Variants in FER observed in about 807,000 individuals in gnomAD.
The protein encoded by FER is tyrosine-protein kinase Fer.
A neutral mutation model predicts 111.0 loss-of-function variants in FER; 63 were observed. The ratio of observed to expected loss-of-function variants is 0.57; its 90% CI spans 0.46 to 0.70. The LOEUF is 0.70. Ranked by LOEUF, FER falls within the 30% of genes least tolerant of loss-of-function variation. The pLI is 0.00. For missense variants in FER, 914 were observed against 954.0 expected, an observed-to-expected ratio of 0.96 and a Z score of 0.55; for synonymous variants, 327 against 313.9, an observed-to-expected ratio of 1.04 and a Z score of -0.44.
rs1759021233 is a variant in FER at position 109,187,552 on chromosome 5, A to G, written c.2446A>G (p.Ile816Val). 1.4e-5 allele frequency: 23 copies of G among 1,614,152 alleles called. No individual in the cohort carries two copies. The highest frequency in any genetic ancestry group is 2.7e-5 in the African/African-American group (2 of 75,036). Residue 816 changes from isoleucine (I) to valine (V), a missense_variant, in exon 20 of 20, where the codon ATC becomes GTC. This residue lies in a region of FER where 134 missense variants were observed against 149.4 expected (regional missense o/e 0.90). Coordinates refer to ENST00000281092, the MANE Select transcript of FER (RefSeq NM_005246.4). ...CAGTGAACTTCAGAAAGAGCTCACT[A>G]TCATCAAGAGAAAACTCACATAGTG... Reference protein sequence around the residue: ...KFSELQKELTIIKRKLT With the variant: ...KFSELQKELTVIKRKLT
chr5:108,832,917 C>A lies in FER; in HGVS notation c.355C>A (p.Gln119Lys), dbSNP rs1411419548. The stretch of plus-strand genomic sequence containing the variant: ...GAAGAAAAGTTACATAGGTGTTCAT[C>A]AGCAGATAGAGGCAGAGATGATCAA... The part of the protein sequence containing the change: ...QVKKSYIGVH[Q>K]QIEAEMIKVT... Residue 119 changes from glutamine to lysine, a missense_variant, in exon 4 of 20, where the codon CAG becomes AAG. This residue lies in a region of FER where 774 missense variants were observed against 782.6 expected (regional missense o/e 0.99). Coordinates refer to ENST00000281092, the MANE Select transcript of FER (RefSeq NM_005246.4). 6.3e-7 allele frequency: 1 copy of A among 1,596,688 alleles called. No individual in the cohort carries two copies. The highest frequency in any genetic ancestry group is 8.5e-7 in the Non-Finnish European group (1 of 1,172,218).
At chr5:108,916,439 G>A (rs1270417004) in intron 10 of FER, among the ~76,000 whole-genome samples, 1 of 151,004 alleles carries the variant, frequency 6.6e-6, no homozygotes, top group African/African-American at 2.4e-5. Flanking sequence ...TAATAATTTG[G>A]GTACCCCCCC....
chr5:109,023,073 C>T (rs1233789124), intron 13 of FER, among the ~76,000 whole-genome samples: 1 of 152,014 alleles, frequency 6.6e-6, no homozygotes, highest in Non-Finnish European at 1.5e-5. Flanking sequence ...AGCATGAAAT[C>T]AGGTTAAAAG....
chr5:109,028,949 T>A (rs1380224012), intron 13 of FER, among the ~76,000 whole-genome samples: 1 of 152,188 alleles, frequency 6.6e-6, no homozygotes, highest in Non-Finnish European at 1.5e-5. Context: ...ACCATGTGCA[T>A]AGAATGGATA....
Position 109,102,962 on chromosome 5 carries a change from G to A in FER, c.2048+2443G>A, listed in dbSNP as rs73213539. Among the ~76,000 whole-genome samples, 1,108 of 152,098 alleles carry A rather than the reference G, an allele frequency of 7.3e-3. 11 individuals are homozygous for A. The highest frequency in any genetic ancestry group is 0.025 in the African/African-American group (1,056 of 41,488). ...TAGTTGCAATAGAATTTTACTTGATGTAGAGTTAAGACATAGATTATGTGT... is the reference window on the plus strand; with the variant it reads ...TAGTTGCAATAGAATTTTACTTGATATAGAGTTAAGACATAGATTATGTGT... On this transcript the variant is annotated intron_variant, in intron 17 of 19. Coordinates refer to ENST00000281092, the MANE Select transcript of FER (RefSeq NM_005246.4).
intron 17 of FER, among the ~76,000 whole-genome samples, chr5:109,124,608 G>A (rs1751438705): frequency 6.6e-6 from 1 of 151,916 alleles, no homozygotes; most frequent in Non-Finnish European, 1.5e-5. Context: ...TGTTGTTGTT[G>A]TTGTTGTTGT....
chr5:109,116,443 GA>G (rs1357740498), intron 17 of FER, among the ~76,000 whole-genome samples: 3 of 145,698 alleles, frequency 2.1e-5, no homozygotes, highest in Admixed American at 6.8e-5. Context: ...AAAAAAAAAT[GA>G]AAAAAAATAA....
chr5:109,173,114 G>A (rs368971469), intron 17 of FER, among the ~76,000 whole-genome samples: 3 of 152,210 alleles, frequency 2.0e-5, no homozygotes, highest in East Asian at 1.9e-4. Context: ...ACTTGTAAAT[G>A]TCCAACCAGA....
Position 109,011,110 on chromosome 5 carries a change from GT to G in FER, c.1657-26306del, listed in dbSNP as rs573566151. ...TACATTTAAAAAACATTTTAAGCAT[GT>G]TTTTTAAATGTGTTAATGCTATAGG... On this transcript the variant is annotated intron_variant, in intron 13 of 19. Transcript: ENST00000281092. Among the ~76,000 whole-genome samples the G allele has an allele frequency of 2.7e-3, 405 of 151,924 alleles. 1 individual carries two copies. The highest frequency in any genetic ancestry group is 9.4e-3 in the African/African-American group (388 of 41,438).
chr5:108,993,366 G>C (rs1022099841), intron 13 of FER, among the ~76,000 whole-genome samples: 3 of 152,172 alleles, frequency 2.0e-5, no homozygotes, highest in Non-Finnish European at 4.4e-5. Flanking sequence ...GCGAAACCCC[G>C]TCTCCACCAA....
chr5:109,054,977 T>A (rs572976166), intron 16 of FER, among the ~76,000 whole-genome samples: 1 of 152,354 alleles, frequency 6.6e-6, no homozygotes, highest in South Asian at 2.1e-4. Context: ...AATGTCTTGA[T>A]GACAGTAGCT....
At chr5:109,060,249 A>G (rs1181706950) in intron 16 of FER, among the ~76,000 whole-genome samples, 1 of 152,206 alleles carries the variant, frequency 6.6e-6, no homozygotes, top group Admixed American at 6.5e-5. Context: ...GAATTGTACA[A>G]TAAGCTGGGT....
intron 13 of FER, among the ~76,000 whole-genome samples, chr5:108,971,758 A>C (rs967176560): frequency 6.6e-6 from 1 of 152,158 alleles, no homozygotes; most frequent in Non-Finnish European, 1.5e-5. Context: ...CTCCAGACTT[A>C]TCAAAATATT....
chr5:109,165,116 T>G (rs1158833137), intron 17 of FER, among the ~76,000 whole-genome samples: 1 of 152,170 alleles, frequency 6.6e-6, no homozygotes, highest in Non-Finnish European at 1.5e-5. Context: ...CTTTTGTTGT[T>G]CCCTGCCTTG....
At chr5:108,753,760 A>G (rs1750763443) in intron 1 of FER, among the ~76,000 whole-genome samples, 2 of 152,168 alleles carry the variant, frequency 1.3e-5, no homozygotes, top group African/African-American at 2.4e-5. Context: ...GTGTTCTGTA[A>G]ATACAGGGTT....
intron 16 of FER, among the ~76,000 whole-genome samples, chr5:109,097,397 G>A (rs1309439780): frequency 6.7e-6 from 1 of 149,562 alleles, no homozygotes; most frequent in Non-Finnish European, 1.5e-5. Context: ...ATTACAAAAG[G>A]GGTGTGAGTT....
chr5:109,024,336 T>C (rs2149838963), intron 13 of FER, among the ~76,000 whole-genome samples: 1 of 152,296 alleles, frequency 6.6e-6, no homozygotes, highest in East Asian at 1.9e-4. Flanking sequence ...TGTGTATTCC[T>C]TGAAGCCTGG....
intron 13 of FER, among the ~76,000 whole-genome samples, chr5:108,993,617 AAGGGCGAGGGCGAGGGT>A (rs1561737136): frequency 1.3e-4 from 14 of 105,036 alleles, no homozygotes; most frequent in South Asian, 3.0e-4. Context: ...GGGAGAGGGC[AAGGGCGAGGGCGAGGGT>A]GAGGGCGAGG....
intron 5 of FER, among the ~76,000 whole-genome samples, chr5:108,865,735 A>T (rs1234866015): frequency 6.6e-6 from 1 of 152,234 alleles, no homozygotes; most frequent in East Asian, 1.9e-4. Flanking sequence ...AAACAAGTTT[A>T]CAAGAAAAAA....
Sources: allele counts gnomAD v4.1 joint callset (sites outside exome capture counted in the v4.1 genomes callset), GRCh38; gene constraint gnomAD v4.1.1; regional missense constraint gnomAD v4.1.1; transcripts MANE v1.5; gene names NCBI Gene and HGNC (gene_info 2026-07-23, HGNC 2026-07-21).